Variants in NLRC5 observed in about 807,000 individuals in gnomAD.
NLRC5 encodes protein NLRC5.
Under a neutral mutation model 206.9 loss-of-function variants are expected in NLRC5, and 114 were observed. The ratio of observed to expected loss-of-function variants is 0.55; its 90% CI spans 0.47 to 0.64. The LOEUF (loss-of-function observed/expected upper bound fraction) is 0.64. NLRC5 is among the 30% of genes least tolerant of loss of function. NLRC5 has a pLI of 0.00. For synonymous variants in NLRC5, 952 were observed against 962.8 expected, an observed-to-expected ratio of 0.99 and a Z score of 0.21; for missense variants, 2,008 against 2,305.5, an observed-to-expected ratio of 0.87 and a Z score of 2.64.
chr16:57,041,428 C>T, intron 17 of NLRC5, 57 bp from the exon 18 acceptor site: 2 of 1,490,654 alleles, frequency 1.3e-6, no homozygotes, highest in Non-Finnish European at 1.9e-6. Flanking sequence ...GGGAAAGCGG[C>T]TCCTTCCCGC....
chr16:57,054,824 A>T lies in NLRC5; in HGVS notation c.3580A>T (p.Lys1194Ter). The part of the protein sequence containing the change: ...ANTLSLCPRV[K>*]KVDLRSLHHA... The stretch of plus-strand genomic sequence containing the variant: ...CACCTTAAGCCTGTGTCCACGGGTT[A>T]AAAAGGTGGATCTCAGGTGGGCATT... The change falls in exon 25 of 49, where the codon AAA becomes TAA. Residue 1194 changes from lysine to a stop codon, truncating the protein, a stop_gained. Transcript: ENST00000688547. LOFTEE classifies it high-confidence loss of function. The T allele has an allele frequency of 1.9e-6, 3 of 1,614,122 alleles. No individual in the cohort carries two copies.
rs761914590 is a variant in NLRC5, at chr16:57,079,110, A to T, written c.5142A>T (p.Gly1714=). The T allele has an allele frequency of 1.1e-5, 17 of 1,614,096 alleles. No homozygotes were observed. In the South Asian group the frequency reaches 1.9e-4, roughly 18 times the overall value. ...GALSLAQALD[G]SPHLEEISLA... is the part of the protein sequence containing the mutation. The stretch of plus-strand genomic sequence containing the variant: ...TGAGCCTGGCCCAGGCCCTGGATGG[A>T]TCCCCCCATTTGGAAGAGATCAGGT... The change falls in exon 44 of 49, where the codon GGA becomes GGT. Residue 1714 remains glycine (G), a synonymous_variant. Coordinates refer to ENST00000688547, the MANE Select transcript of NLRC5 (RefSeq NM_001384950.1).
intron 22 of NLRC5, among the ~76,000 whole-genome samples, chr16:57,047,294 G>A (rs1410278474): frequency 6.6e-6 from 1 of 152,124 alleles, no homozygotes; most frequent in African/African-American, 2.4e-5. Flanking sequence ...TCTGGAGGGG[G>A]CGGTGGGGAG....
In NLRC5 at chr16:57,051,581, C is replaced by T. The variant is rs2064909459; in HGVS notation, c.3466C>T (p.Leu1156=). The T allele has an allele frequency of 6.2e-7, 1 of 1,613,960 alleles. No individual in the cohort carries two copies. The highest frequency in any genetic ancestry group is 8.5e-7 in the Non-Finnish European group (1 of 1,179,942). The part of the protein sequence containing the change: ...FLSDQSLETL[L]DCLPQLPQLS... The stretch of plus-strand genomic sequence containing the variant: ...GAGTGACCAGAGCCTGGAGACTCTA[C>T]TGGACTGCTTACCTCAACTCCCTCA... Residue 1156 remains leucine, a synonymous_variant, in exon 24 of 49, where the codon CTG becomes TTG. Transcript: ENST00000688547.
At chr16:56,991,409 T>G (rs1473609669) in intron 1 of NLRC5, among the ~76,000 whole-genome samples, 1 of 141,358 alleles carries the variant, frequency 7.1e-6, no homozygotes, top group Non-Finnish European at 1.5e-5. Flanking sequence ...TTTGACGAAG[T>G]CTCACTCTGT....
intron 1 of NLRC5, among the ~76,000 whole-genome samples, chr16:56,996,994 C>T (rs757340787): frequency 6.6e-6 from 1 of 152,140 alleles, no homozygotes; most frequent in Non-Finnish European, 1.5e-5. Context: ...CTCAGCCTCC[C>T]AAATAGCTGG....
rs978099364 is a variant in NLRC5 at position 57,076,136 on chromosome 16, G to A, written c.4752-683G>A. ...TCACCATGTTGGCCGGGCTGGTCTCGAACCCCTGACCTCAAATGATCCACC... is the reference window on the plus strand; with the variant it reads ...TCACCATGTTGGCCGGGCTGGTCTCAAACCCCTGACCTCAAATGATCCACC... On this transcript the variant is annotated intron_variant, in intron 39 of 48. Transcript: ENST00000688547. 1.1e-4 allele frequency: 17 copies of A among 157,022 alleles called. No individual in the cohort carries two copies. In the South Asian group the frequency reaches 1.2e-3, roughly 11 times the overall value. 9.7% of individuals were successfully genotyped at this position (157,022 alleles called of 1,614,324 possible).
chr16:57,018,125 C>T (rs1331701000), intron 2 of NLRC5, among the ~76,000 whole-genome samples: 1 of 152,244 alleles, frequency 6.6e-6, no homozygotes, highest in Non-Finnish European at 1.5e-5. Context: ...ACCATCCAGG[C>T]ACTACTTACT....
Position 57,025,484 on chromosome 16 carries a change from C to T in NLRC5, c.541C>T (p.Leu181=), listed in dbSNP as rs1319638269. Residue 181 remains leucine (L), a synonymous_variant, in exon 6 of 49, where the codon CTG becomes TTG. Transcript: ENST00000688547. ...AFHQVYVPPI[L]RRATASLDTP... is the part of the protein sequence containing the mutation. ...CCACCAGGTCTATGTCCCTCCAATC[C>T]TGCGCCGGGCCACAGCATCCTTAGA... The T allele has an allele frequency of 6.2e-7, 1 of 1,613,244 alleles. No homozygotes were observed. Among genetic ancestry groups the T allele is most frequent in the African/African-American group, 1.3e-5 (1 of 75,060 alleles).
At chr16:57,054,904 A>G (rs1194570668) in intron 25 of NLRC5, 64 bp downstream of exon 25, 1 of 1,583,314 alleles carries the variant, frequency 6.3e-7, no homozygotes, top group Non-Finnish European at 8.7e-7. Context: ...TCTGGTGGGT[A>G]TGAGGGGGTA....
chr16:56,990,175 GTCACGACCCCAAGGCCACCTAC>G (rs551342164), intron 1 of NLRC5, among the ~76,000 whole-genome samples: 45 of 152,164 alleles, frequency 3.0e-4, no homozygotes, highest in African/African-American at 9.6e-4. Flanking sequence ...AGCTTGGACA[GTCACGACCCCAAGGCCACCTAC>G]TCACGACCCC....
At position 57,069,910 on chromosome 16, in the gene NLRC5, A is replaced by T. The variant is rs2067443720; in HGVS notation, c.4574A>T (p.Glu1525Val). The T allele has an allele frequency of 5.7e-6, 9 of 1,577,226 alleles. No individual in the cohort carries two copies. The South Asian group carries it at 9.3e-5, about 16-fold the overall frequency. The change falls in exon 37 of 49, where the codon GAG becomes GTG. Residue 1525 changes from glutamate (E) to valine (V), a missense_variant. Glu to Val is a moderately radical substitution (Grantham distance 121). Transcript: ENST00000688547. ...ASGLGHCHHL[E>V]ELDLSNNQFD... ...GGTCTGGGCCACTGCCACCACTTGG[A>T]GGAGCTGGAGTGAGTTGCAGAGTGG...
At chr16:56,999,051 C>T (rs1427582515) in intron 1 of NLRC5, among the ~76,000 whole-genome samples, 4 of 152,182 alleles carry the variant, frequency 2.6e-5, no homozygotes, top group African/African-American at 9.7e-5. Context: ...TGGCAAGAGC[C>T]CTTTTCCGGG....
intron 2 of NLRC5, among the ~76,000 whole-genome samples, chr16:57,020,197 T>A (rs1267954128): frequency 6.7e-6 from 1 of 149,500 alleles, no homozygotes; most frequent in Admixed American, 6.7e-5. Flanking sequence ...TCCCCCTAGT[T>A]CATCTGTACC....
chr16:57,025,523 G>A lies in NLRC5; in HGVS notation c.580G>A (p.Ala194Thr), dbSNP rs769307574. Residue 194 changes from alanine (A) to threonine (T), a missense_variant, in exon 6 of 49, where the codon GCC becomes ACC. Ala to Thr is a moderately conservative substitution (Grantham distance 58, BLOSUM62 0). Coordinates refer to ENST00000688547, the MANE Select transcript of NLRC5 (RefSeq NM_001384950.1). ...AGCATCCTTAGACACTCCGGAGGGG[G>A]CCATTATGGGGGACGTCAAGGTGGA... is the stretch of plus-strand genomic sequence containing the variant. ...ATASLDTPEG[A>T]IMGDVKVEDG... The A allele has an allele frequency of 5.0e-6, 8 of 1,613,634 alleles. No individual in the cohort carries two copies. The East Asian group carries it at 1.1e-4, about 22-fold the overall frequency.
intron 6 of NLRC5, among the ~76,000 whole-genome samples, chr16:57,027,628 C>T (rs1180032912): frequency 8.4e-6 from 1 of 119,650 alleles, no homozygotes; most frequent in Non-Finnish European, 1.9e-5. Context: ...CATGCAGGTA[C>T]CCAGGTCCCT....
intron 1 of NLRC5, chr16:56,991,994 TATAAG>T (rs1409280148): frequency 6.6e-6 from 1 of 151,914 alleles, no homozygotes; most frequent in Non-Finnish European, 1.5e-5. Flanking sequence ...CCGGTGTCCT[TATAAG>T]AGAGGAGATG....
At chr16:57,039,335 A>C (rs1190599637) in intron 15 of NLRC5, among the ~76,000 whole-genome samples, 1 of 152,218 alleles carries the variant, frequency 6.6e-6, no homozygotes, top group Non-Finnish European at 1.5e-5. Context: ...TCAGCCCTCC[A>C]AAAGCTCAGA....
chr16:56,991,539 A>G (rs559045579), intron 1 of NLRC5, among the ~76,000 whole-genome samples: 4 of 151,132 alleles, frequency 2.6e-5, no homozygotes, highest in Non-Finnish European at 5.9e-5. Flanking sequence ...CCGCCGCTAC[A>G]CCCAGCTAAT....
Sources: gnomAD v4.1 joint callset for allele counts (sites outside exome capture counted in the v4.1 genomes callset) on GRCh38, gnomAD v4.1.1 for gene constraint, MANE v1.5 for transcripts, NCBI Gene and HGNC (gene_info 2026-07-23, HGNC 2026-07-21) for gene names.